DLG2: variants seen among roughly 807,000 people sequenced by gnomAD.
The protein encoded by DLG2 is discs large MAGUK scaffold protein 2, also known as disks large homolog 2.
DLG2 carries 45 observed loss-of-function variants against 132.5 expected under a neutral mutation model. The observed-to-expected ratio is 0.34, with a 90% CI of 0.27 to 0.44. The LOEUF (loss-of-function observed/expected upper bound fraction) is 0.44, where lower values mean the gene tolerates loss of function less well. Among genes scored for constraint, DLG2 ranks in the 20% least tolerant of loss-of-function variants. DLG2 has a pLI of 1.00. For missense variants in DLG2, 1,045 were observed against 1,196.9 expected (o/e 0.87, Z 1.87); for synonymous variants, 424 against 419.6 (o/e 1.01, Z -0.13).
At chr11:83,538,214 T>C (rs1220639965) in intron 20 of DLG2, among the ~76,000 whole-genome samples, 1 of 152,210 alleles carries the variant, frequency 6.6e-6, no homozygotes, top group Non-Finnish European at 1.5e-5. Flanking sequence ...CCAGTTTCCT[T>C]ACTTGTAAAA....
intron 10 of DLG2, among the ~76,000 whole-genome samples, chr11:84,072,379 A>T (rs1040589595): frequency 6.6e-6 from 1 of 152,240 alleles, no homozygotes; most frequent in African/African-American, 2.4e-5. Context: ...AGACAAATGC[A>T]TATCCTGAAG....
chr11:84,631,935 C>T (rs1401296449), intron 6 of DLG2, among the ~76,000 whole-genome samples: 1 of 152,106 alleles, frequency 6.6e-6, no homozygotes, highest in Admixed American at 6.6e-5. Context: ...ACTGATGCTT[C>T]CTGGGATTAT....
At chr11:84,827,879 T>C (rs1352826691) in intron 6 of DLG2, among the ~76,000 whole-genome samples, 1 of 151,650 alleles carries the variant, frequency 6.6e-6, no homozygotes, top group Non-Finnish European at 1.5e-5. Context: ...TGTTCTCACT[T>C]ATTAGTGGGA....
At chr11:84,998,662 A>G (rs537047825) in intron 6 of DLG2, among the ~76,000 whole-genome samples, 46 of 152,266 alleles carry the variant, frequency 3.0e-4, no homozygotes, top group African/African-American at 1.0e-3. Flanking sequence ...TACGTAAAGT[A>G]TGTCCTTTTA....
intron 7 of DLG2, among the ~76,000 whole-genome samples, chr11:84,278,444 C>T (rs1567160807): frequency 7.1e-6 from 1 of 140,416 alleles, no homozygotes; most frequent in Non-Finnish European, 1.5e-5. Context: ...TTTCAGAGAA[C>T]TCAAGAGGAA....
intron 6 of DLG2, among the ~76,000 whole-genome samples, chr11:84,964,298 C>A (rs185129273): frequency 1.2e-3 from 186 of 152,148 alleles, no homozygotes; most frequent in African/African-American, 4.3e-3. Context: ...CAGATAATAT[C>A]TGATCCTTGG....
chr11:83,850,156 G>T (rs1296206708), intron 16 of DLG2, among the ~76,000 whole-genome samples: 92 of 133,048 alleles, frequency 6.9e-4, no homozygotes, highest in African/African-American at 2.8e-3. Context: ...GTGTGTGTGT[G>T]TGTGTTTTTT....
intron 4 of DLG2, among the ~76,000 whole-genome samples, chr11:85,226,032 C>T (rs1388085060): frequency 2.0e-5 from 3 of 152,016 alleles, no homozygotes; most frequent in Non-Finnish European, 4.4e-5. Flanking sequence ...TCCTTATCTC[C>T]TTCCTTTAAT....
At chr11:83,846,788 C>T (rs1267656675) in intron 16 of DLG2, among the ~76,000 whole-genome samples, 1 of 151,850 alleles carries the variant, frequency 6.6e-6, no homozygotes, top group Admixed American at 6.6e-5. Flanking sequence ...CTTTCTTATC[C>T]ACATATCAAA....
chr11:83,826,541 C>T (rs1227947744), intron 17 of DLG2, among the ~76,000 whole-genome samples: 1 of 152,144 alleles, frequency 6.6e-6, no homozygotes, highest in African/African-American at 2.4e-5. Context: ...GAGCAAATGC[C>T]TGGAACAAGC....
At chr11:83,880,082 G>C (rs1237463930) in intron 15 of DLG2, among the ~76,000 whole-genome samples, 1 of 152,196 alleles carries the variant, frequency 6.6e-6, no homozygotes, top group Non-Finnish European at 1.5e-5. Context: ...GGCCAGAGCA[G>C]AGTGGCCAGG....
At chr11:83,602,832 T>G (rs558350) in intron 19 of DLG2, among the ~76,000 whole-genome samples, 76,033 of 152,056 alleles carry the variant, frequency 0.5, 19,969 homozygotes, top group African/African-American at 0.65. Flanking sequence ...GTTTATCATT[T>G]TTTATTCCAA....
intron 6 of DLG2, among the ~76,000 whole-genome samples, chr11:84,575,717 G>A (rs2099498139): frequency 1.3e-5 from 2 of 152,084 alleles, no homozygotes; most frequent in African/African-American, 4.8e-5. Flanking sequence ...ATTTTAAAAT[G>A]TATAATTATT....
At chr11:85,263,627 T>A (rs2077055178) in intron 4 of DLG2, among the ~76,000 whole-genome samples, 1 of 152,172 alleles carries the variant, frequency 6.6e-6, no homozygotes, top group Non-Finnish European at 1.5e-5. Context: ...GAAAGAAAAG[T>A]AAACTCTAAA....
chr11:84,594,947 T>C (rs1344565550), intron 6 of DLG2, among the ~76,000 whole-genome samples: 1 of 152,196 alleles, frequency 6.6e-6, no homozygotes, highest in African/African-American at 2.4e-5. Flanking sequence ...AAACTCAGCA[T>C]TTATATCAAC....
intron 6 of DLG2, among the ~76,000 whole-genome samples, chr11:84,652,409 C>G (rs960708247): frequency 2.6e-5 from 4 of 152,246 alleles, no homozygotes; most frequent in African/African-American, 7.2e-5. Flanking sequence ...AACGCACACC[C>G]TTCTGTCTTG....
intron 16 of DLG2, among the ~76,000 whole-genome samples, chr11:83,841,640 A>G (rs963757228): frequency 6.6e-6 from 1 of 152,232 alleles, no homozygotes. Flanking sequence ...TTTTGTCTCC[A>G]ATACCTGGTA....
chr11:85,399,604 C>A (rs978480170), intron 3 of DLG2, among the ~76,000 whole-genome samples: 1 of 152,070 alleles, frequency 6.6e-6, no homozygotes, highest in Non-Finnish European at 1.5e-5. Flanking sequence ...TGGAATAGAA[C>A]AGAGCCCTCA....
intron 6 of DLG2, among the ~76,000 whole-genome samples, chr11:85,031,319 T>C (rs1479768519): frequency 6.6e-6 from 1 of 152,112 alleles, no homozygotes; most frequent in Non-Finnish European, 1.5e-5. Context: ...GTCATTGGTT[T>C]TAGGTATATT....
Sources: gnomAD v4.1 joint callset for allele counts (sites outside exome capture counted in the v4.1 genomes callset) on GRCh38, gnomAD v4.1.1 for gene constraint, MANE v1.5 for transcripts, NCBI Gene and HGNC (gene_info 2026-07-23, HGNC 2026-07-21) for gene names.